The following FBXL4 variants were observed in gnomAD, a reference collection of about 807,000 sequenced individuals.
FBXL4 encodes F-box and leucine rich repeat protein 4.
In FBXL4, 40 loss-of-function variants were observed where a neutral mutation model predicts 58.9. That is an observed-to-expected ratio of 0.68 (90% CI 0.53 to 0.88). The LOEUF (loss-of-function observed/expected upper bound fraction) is 0.88, where lower values mean the gene tolerates loss of function less well. Ranked by LOEUF, FBXL4 falls within the 40% of genes least tolerant of loss-of-function variation. The pLI, the probability that FBXL4 is intolerant of heterozygous loss-of-function variation, is 0.00. For missense variants in FBXL4, 676 were observed against 734.4 expected, an observed-to-expected ratio of 0.92 and a Z score of 0.92; for synonymous variants, 263 against 265.5, an observed-to-expected ratio of 0.99 and a Z score of 0.09.
intron 1 of FBXL4, among the ~76,000 whole-genome samples, chr6:98,938,041 C>CT (rs71015480): frequency 0.036 from 4,354 of 121,034 alleles, 323 homozygotes; most frequent in African/African-American, 0.1. Context: ...CCCCTGCACC[C>CT]TTTTTTTTTT....
intron 7 of FBXL4, among the ~76,000 whole-genome samples, chr6:98,890,673 C>T (rs1021437732): frequency 6.6e-6 from 1 of 152,122 alleles, no homozygotes. Flanking sequence ...AATCCCAGCA[C>T]TTTGGGAGGC....
At chr6:98,928,128 A>C (rs530391058) in intron 2 of FBXL4, among the ~76,000 whole-genome samples, 6 of 152,280 alleles carry the variant, frequency 3.9e-5, no homozygotes, top group African/African-American at 1.4e-4. Context: ...AACCTTTAAC[A>C]ATCAACAAGA....
intron 1 of FBXL4, among the ~76,000 whole-genome samples, chr6:98,947,432 A>C (rs2128415817): frequency 6.6e-6 from 1 of 152,366 alleles, no homozygotes; most frequent in Non-Finnish European, 1.5e-5. Flanking sequence ...ACAGGCGGGC[A>C]TGTGGCCGAC....
At chr6:98,882,520 G>C (rs1229031599) in intron 7 of FBXL4, among the ~76,000 whole-genome samples, 2 of 151,856 alleles carry the variant, frequency 1.3e-5, no homozygotes. Context: ...AATGAAACTT[G>C]TTTGGTAATT....
Position 98,874,128 on chromosome 6 carries a change from C to T in FBXL4, c.*150G>A, listed in dbSNP as rs1770568558. 3.6e-6 allele frequency: 2 copies of T among 553,412 alleles called. No homozygotes were observed. 34.3% of individuals were successfully genotyped at this position (553,412 alleles called of 1,614,324 possible). Reference sequence around the variant, plus strand: ...ATGAAAACATTTGTGCACATTTTTACTTGATTTAATGGACAATTTCATATT... The same window carrying T: ...ATGAAAACATTTGTGCACATTTTTATTTGATTTAATGGACAATTTCATATT... On this transcript the variant is annotated 3_prime_UTR_variant, in exon 10 of 10. Transcript: ENST00000369244.
At chr6:98,878,700 T>C (rs1294752802) in intron 8 of FBXL4, among the ~76,000 whole-genome samples, 1 of 152,064 alleles carries the variant, frequency 6.6e-6, no homozygotes, top group African/African-American at 2.4e-5. Context: ...CTAAGGAATG[T>C]TGCTCCAGTT....
At chr6:98,896,010 G>C (rs1313824369) in intron 7 of FBXL4, among the ~76,000 whole-genome samples, 2 of 152,098 alleles carry the variant, frequency 1.3e-5, no homozygotes, top group Non-Finnish European at 2.9e-5. Context: ...AGTGGTACCA[G>C]ATAATTTGTA....
Position 98,872,783 on chromosome 6 carries a change from G to A in FBXL4, c.*1495C>T, listed in dbSNP as rs1770527362. ...TAATGCAATGCTTCAGAAGCCAGAT[G>A]GCCTGGGTTTATATGTTGGCTCTGC... is the stretch of plus-strand genomic sequence containing the variant. On this transcript the variant is annotated 3_prime_UTR_variant, in exon 10 of 10. Transcript: ENST00000369244. 1 of 152,176 alleles carries A rather than the reference G, an allele frequency of 6.6e-6. No individual in the cohort carries two copies. The highest frequency in any genetic ancestry group is 1.5e-5 in the Non-Finnish European group (1 of 68,052). The allele number at this position is 152,176 out of a possible 1,614,324, so 9.4% of individuals were successfully genotyped here.
In FBXL4 at chr6:98,870,115, T is replaced by C. The variant is rs1319081523; in HGVS notation, c.*4163A>G. 1 of 152,188 alleles carries C rather than the reference T, an allele frequency of 6.6e-6. No homozygotes were observed. The highest frequency in any genetic ancestry group is 1.5e-5 in the Non-Finnish European group (1 of 68,022). 9.4% of individuals were successfully genotyped at this position (152,188 alleles called of 1,614,324 possible). A position where few individuals can be genotyped will look rare whatever the true frequency, so the allele number is the denominator to read the frequency against. On this transcript the variant is annotated 3_prime_UTR_variant, in exon 10 of 10. Transcript: ENST00000369244. ...CACATCTTTCTTGTTATGGTAAACA[T>C]TTTGTTTTTTCTAACAAAACACTGC...
intron 6 of FBXL4, among the ~76,000 whole-genome samples, chr6:98,900,723 T>A (rs1438855397): frequency 6.6e-6 from 1 of 152,186 alleles, no homozygotes; most frequent in African/African-American, 2.4e-5. Flanking sequence ...AATAAAAAAA[T>A]TCAGTTGCTG....
At chr6:98,911,539 G>A (rs1046771164) in intron 5 of FBXL4, among the ~76,000 whole-genome samples, 1 of 152,208 alleles carries the variant, frequency 6.6e-6, no homozygotes, top group African/African-American at 2.4e-5. Context: ...CTGCGGTTCT[G>A]CAGACACTGC....
At chr6:98,898,942 A>G (rs1014521691) in intron 7 of FBXL4, 3 of 985,292 alleles carry the variant, frequency 3.0e-6, no homozygotes. Flanking sequence ...GTCCTCTTAC[A>G]TATTATCCTC....
At chr6:98,913,323 G>A (rs1772179972) in intron 5 of FBXL4, among the ~76,000 whole-genome samples, 1 of 152,058 alleles carries the variant, frequency 6.6e-6, no homozygotes, top group Non-Finnish European at 1.5e-5. Flanking sequence ...GCATCAAGCG[G>A]ACCTAATAGA....
intron 4 of FBXL4, among the ~76,000 whole-genome samples, chr6:98,923,070 G>C (rs1772643301): frequency 6.6e-6 from 1 of 152,008 alleles, no homozygotes; most frequent in Non-Finnish European, 1.5e-5. Flanking sequence ...CTTCATCTAG[G>C]GAGTGACATG....
In FBXL4 at chr6:98,899,333, C is replaced by G. The variant is rs542852839; in HGVS notation, c.1252G>C (p.Ala418Pro). Residue 418 changes from alanine to proline, a missense_variant, in exon 7 of 10, where the codon GCT (alanine) becomes CCT (proline). Physicochemically the swap from Ala to Pro is conservative, Grantham distance 27 (BLOSUM62 -1). Coordinates refer to ENST00000369244, the MANE Select transcript of FBXL4 (RefSeq NM_001278716.2). ...CATAACTTGGCAATGTGGTTGAAAG[C>G]TTGAGGTGGTAGCTTATCACAGGAG... ...LSSCDKLPPQ[A>P]FNHIAKLCSL... The G allele has an allele frequency of 7.4e-6, 12 of 1,613,956 alleles. No individual in the cohort carries two copies. The highest frequency in any genetic ancestry group is 1.0e-5 in the Non-Finnish European group (12 of 1,179,938).
In FBXL4 at chr6:98,905,610, A is replaced by G. The variant is rs757780723; in HGVS notation, c.919T>C (p.Cys307Arg). The G allele has an allele frequency of 1.2e-6, 2 of 1,613,520 alleles. No individual in the cohort carries two copies. The change falls in exon 6 of 10, where the codon TGC becomes CGC. Residue 307 changes from cysteine (C) to arginine (R), a missense_variant. By Grantham distance (180) the Cys-to-Arg change is radical. Transcript: ENST00000369244. Reference sequence around the variant, plus strand: ...CAGCAATGCTGGCTCAGTAGTTTGCAAGTCTGTGCTAATCTACACAGGTCT... The same window carrying G: ...CAGCAATGCTGGCTCAGTAGTTTGCGAGTCTGTGCTAATCTACACAGGTCT... ...LPDLCRLAQT[C>R]KLLSQHCCDP...
Position 98,875,405 on chromosome 6 carries a change from G to A in FBXL4, c.1702+10C>T. On this transcript the variant is annotated intron_variant, in intron 9 of 9. Transcript: ENST00000369244. ...GACATTTAAAACAAATTTATATATTGTAACCTTACCTAATATGTCCAGCTG... is the reference window on the plus strand; with the variant it reads ...GACATTTAAAACAAATTTATATATTATAACCTTACCTAATATGTCCAGCTG... 1 of 1,612,362 alleles carries A rather than the reference G, an allele frequency of 6.2e-7. No homozygotes were observed. The highest frequency in any genetic ancestry group is 8.5e-7 in the Non-Finnish European group (1 of 1,178,524).
intron 7 of FBXL4, among the ~76,000 whole-genome samples, chr6:98,889,632 G>A (rs371650545): frequency 9.9e-5 from 14 of 141,860 alleles, no homozygotes; most frequent in African/African-American, 3.7e-4. Context: ...AGTGAGCTGA[G>A]ATCACACCAC....
chr6:98,917,735 A>G lies in FBXL4; in HGVS notation c.513-16T>C, dbSNP rs781164933. 3 of 1,561,968 alleles carry G rather than the reference A, an allele frequency of 1.9e-6. No homozygotes were observed. Among genetic ancestry groups the G allele is most frequent in the Non-Finnish European group, 2.6e-6 (3 of 1,154,960 alleles). ...AATCTCCCATCTGCCAAAAAAAGAA[A>G]CTTCCCTATAATACAGTTTAGAATG... On this transcript the variant is annotated splice_polypyrimidine_tract_variant and intron_variant, in intron 4 of 9. Coordinates refer to ENST00000369244, the MANE Select transcript of FBXL4 (RefSeq NM_001278716.2).
Sources: allele counts gnomAD v4.1 joint callset (sites outside exome capture counted in the v4.1 genomes callset), GRCh38; gene constraint gnomAD v4.1.1; transcripts MANE v1.5; gene names NCBI Gene and HGNC (gene_info 2026-07-23, HGNC 2026-07-21).